The following OPCML variants were observed in gnomAD, a reference collection of about 807,000 sequenced individuals.
OPCML encodes opioid-binding protein/cell adhesion molecule.
A neutral mutation model predicts 37.8 loss-of-function variants in OPCML; 13 were observed. The observed-to-expected ratio is 0.34, with a 90% confidence interval of 0.22 to 0.55. The LOEUF is 0.55. Ranked by LOEUF, OPCML falls within the 20% of genes least tolerant of loss-of-function variation. The pLI is 0.91. For synonymous variants in OPCML, 176 were observed against 168.8 expected, an observed-to-expected ratio of 1.04 and a Z score of -0.33; for missense variants, 341 against 435.6, an observed-to-expected ratio of 0.78 and a Z score of 1.93.
chr11:132,843,920 G>C (rs183880456), intron 2 of OPCML, among the ~76,000 whole-genome samples: 6 of 152,294 alleles, frequency 3.9e-5, no homozygotes, highest in African/African-American at 7.2e-5. Flanking sequence ...TGGTTTGGCT[G>C]TGTCCCCACA....
intron 1 of OPCML, among the ~76,000 whole-genome samples, chr11:133,137,467 G>C (rs1192229864): frequency 1.3e-5 from 2 of 152,168 alleles, no homozygotes; most frequent in African/African-American, 2.4e-5. Flanking sequence ...GTTTTAAATA[G>C]AGGACTGACT....
At chr11:133,468,746 C>A (rs1378040105) in intron 1 of OPCML, among the ~76,000 whole-genome samples, 4 of 152,182 alleles carry the variant, frequency 2.6e-5, no homozygotes, top group Non-Finnish European at 5.9e-5. Context: ...ACTTCACAAA[C>A]ACTCTGTTCA....
At chr11:132,437,836 G>A (rs952540755) in intron 4 of OPCML, among the ~76,000 whole-genome samples, 1 of 152,174 alleles carries the variant, frequency 6.6e-6, no homozygotes, top group African/African-American at 2.4e-5. Context: ...CTTGTAGAAC[G>A]AATAAGTAAG....
chr11:132,748,017 T>C (rs1945696280), intron 2 of OPCML, among the ~76,000 whole-genome samples: 1 of 152,126 alleles, frequency 6.6e-6, no homozygotes, highest in Non-Finnish European at 1.5e-5. Context: ...ATAGATTCTT[T>C]TATTTTAGCC....
At chr11:132,848,655 A>G (rs917169692) in intron 2 of OPCML, among the ~76,000 whole-genome samples, 7 of 152,244 alleles carry the variant, frequency 4.6e-5, no homozygotes, top group African/African-American at 1.7e-4. Context: ...TGAGTATGAC[A>G]TACTAGTCAG....
chr11:133,028,418 C>T (rs1380913990), intron 1 of OPCML, among the ~76,000 whole-genome samples: 5 of 152,004 alleles, frequency 3.3e-5, no homozygotes, highest in Admixed American at 6.6e-5. Context: ...GATAATTATC[C>T]ATCCAAATCC....
chr11:132,861,781 G>A (rs1429508652), intron 2 of OPCML, among the ~76,000 whole-genome samples: 1 of 150,956 alleles, frequency 6.6e-6, no homozygotes, highest in Non-Finnish European at 1.5e-5. Context: ...CTTGCAGTGA[G>A]CTGAGATCGC....
chr11:132,663,670 A>G (rs1044422236), intron 2 of OPCML, among the ~76,000 whole-genome samples: 1 of 152,196 alleles, frequency 6.6e-6, no homozygotes, highest in Admixed American at 6.5e-5. Flanking sequence ...TATGGGCTCC[A>G]CTGTAGTAAT....
At chr11:133,026,078 T>G (rs1947549528) in intron 1 of OPCML, 5 of 985,148 alleles carry the variant, frequency 5.1e-6, no homozygotes, top group Non-Finnish European at 6.0e-6. Context: ...CATCATGACT[T>G]GATGAGAAGT....
intron 1 of OPCML, among the ~76,000 whole-genome samples, chr11:133,425,631 A>T (rs1338974468): frequency 6.6e-6 from 1 of 152,142 alleles, no homozygotes; most frequent in Non-Finnish European, 1.5e-5. Context: ...TGGTCAGGGG[A>T]GGTCTAGTCC....
chr11:132,990,491 C>A (rs146120925), intron 1 of OPCML, among the ~76,000 whole-genome samples: 6 of 152,178 alleles, frequency 3.9e-5, no homozygotes, highest in African/African-American at 1.4e-4. Flanking sequence ...ACAACTACTT[C>A]AGTAGGAAAG....
chr11:133,500,750 TC>T (rs1400238352), intron 1 of OPCML, among the ~76,000 whole-genome samples: 1 of 152,190 alleles, frequency 6.6e-6, no homozygotes. Context: ...AGGCTGGAGT[TC>T]CCAGAGTTAC....
At chr11:133,360,990 C>T (rs891435215) in intron 1 of OPCML, 6 of 152,456 alleles carry the variant, frequency 3.9e-5, no homozygotes, top group South Asian at 2.1e-4. Context: ...CAGTCCTACC[C>T]GCCCGGCTGC....
intron 1 of OPCML, among the ~76,000 whole-genome samples, chr11:132,966,477 T>C (rs1415882171): frequency 6.6e-6 from 1 of 152,176 alleles, no homozygotes; most frequent in Non-Finnish European, 1.5e-5. Flanking sequence ...AAGCATCTGC[T>C]GTATTCTGGA....
At position 132,942,949 on chromosome 11, in the gene OPCML, C is replaced by A. The variant is rs199703409; in HGVS notation, c.123G>T (p.Arg41=). The change falls in exon 2 of 8, where the codon CGG becomes CGT. Residue 41 remains arginine, a synonymous_variant. Transcript: ENST00000524381. ...ACCTGAGGGTGGCGCTCTCCCCCTG[C>A]CGGACCGTCACGTTGTCCATAGCTT... The part of the protein sequence containing the change: ...FPKAMDNVTV[R]QGESATLRCT... The A allele has an allele frequency of 1.0e-4, 165 of 1,614,100 alleles. 1 individual carries two copies. The East Asian group carries it at 3.0e-3, about 29-fold the overall frequency.
intron 1 of OPCML, among the ~76,000 whole-genome samples, chr11:133,431,671 G>T (rs1005279585): frequency 2.0e-5 from 3 of 151,598 alleles, no homozygotes; most frequent in Non-Finnish European, 4.4e-5. Flanking sequence ...CTCCATGTTG[G>T]TCAGGCTGGT....
At chr11:132,796,040 C>T (rs1938287745) in intron 2 of OPCML, among the ~76,000 whole-genome samples, 1 of 152,160 alleles carries the variant, frequency 6.6e-6, no homozygotes, top group Non-Finnish European at 1.5e-5. Context: ...ATTTCCATAG[C>T]ATCTACATTG....
At chr11:132,656,166 G>T (rs919240845) in intron 3 of OPCML, among the ~76,000 whole-genome samples, 2 of 152,102 alleles carry the variant, frequency 1.3e-5, no homozygotes, top group Non-Finnish European at 2.9e-5. Flanking sequence ...CATTCCTGCC[G>T]TGAGCCAACA....
chr11:132,426,372 AT>A (rs1327896766), intron 7 of OPCML, among the ~76,000 whole-genome samples: 3 of 152,170 alleles, frequency 2.0e-5, no homozygotes, highest in Admixed American at 6.5e-5. Flanking sequence ...ACAAATAAAA[AT>A]TCTACTTTTG....
Sources: allele counts gnomAD v4.1 joint callset (sites outside exome capture counted in the v4.1 genomes callset), GRCh38; gene constraint gnomAD v4.1.1; transcripts MANE v1.5; gene names NCBI Gene and HGNC (gene_info 2026-07-23, HGNC 2026-07-21).